NAA11: variants seen among roughly 807,000 people sequenced by gnomAD.
NAA11 encodes the protein N-alpha-acetyltransferase 11, NatA catalytic subunit.
Under a neutral mutation model 16.1 loss-of-function variants are expected in NAA11, and 15 were observed. The observed-to-expected ratio is 0.93, with a 90% CI of 0.62 to 1.44. NAA11 has a LOEUF of 1.44. Ranked by LOEUF, NAA11 falls within the 40% of genes most tolerant of loss-of-function variation. The probability of loss-of-function intolerance (pLI) is 0.00; values close to 1 mark genes in which losing one functional copy is unlikely to be tolerated. For missense variants in NAA11, 298 were observed against 291.3 expected (o/e 1.02, Z -0.17); for synonymous variants, 122 against 112.4 (o/e 1.09, Z -0.54).
intron 1 of NAA11, among the ~76,000 whole-genome samples, chr4:79,319,954 TA>T (rs1418055180): frequency 1.3e-5 from 2 of 152,238 alleles, no homozygotes; most frequent in Non-Finnish European, 2.9e-5. Context: ...AATGACAGTT[TA>T]GCGACACAAA....
At chr4:79,220,371 AC>A in the NAA11 span, among the ~76,000 whole-genome samples, 3 of 151,946 alleles carry the variant, frequency 2.0e-5, no homozygotes, top group Non-Finnish European at 4.4e-5. Flanking sequence ...GGGATTACAG[AC>A]ATGAGCCACT....
the NAA11 span, among the ~76,000 whole-genome samples, chr4:79,189,155 A>AAAAAAAAAAAAAAAAAAAC: frequency 6.9e-4 from 101 of 146,920 alleles, 9 homozygotes; most frequent in Non-Finnish European, 1.1e-3. Flanking sequence ...CAAAAAAAAA[A>AAAAAAAAAAAAAAAAAAAC]AAAAAAAAAC....
intron 1 of NAA11, among the ~76,000 whole-genome samples, chr4:79,322,024 C>T (rs556071814): frequency 3.3e-5 from 5 of 152,268 alleles, no homozygotes; most frequent in African/African-American, 1.2e-4. Context: ...ACATCACCAC[C>T]ACACTGATGA....
chr4:79,246,376 C>CAAAAAAAAAAAAAAA (rs1560420199), intron 2 of NAA11, among the ~76,000 whole-genome samples: 3 of 114,190 alleles, frequency 2.6e-5, no homozygotes, highest in Non-Finnish European at 5.3e-5. Context: ...TCAATAAATA[C>CAAAAAAAAAAAAAAA]TAAAAAAAAA....
At chr4:79,226,504 G>A (rs1221609723) in intron 2 of NAA11, among the ~76,000 whole-genome samples, 8 of 151,692 alleles carry the variant, frequency 5.3e-5, no homozygotes, top group Admixed American at 3.3e-4. Flanking sequence ...ATGCATACAC[G>A]TGCCATGTTG....
chr4:79,282,588 T>C (rs1392968954), intron 2 of NAA11, among the ~76,000 whole-genome samples: 1 of 152,052 alleles, frequency 6.6e-6, no homozygotes, highest in East Asian at 1.9e-4. Context: ...AAAAATTTCC[T>C]AGAGCAAACA....
intron 2 of NAA11, among the ~76,000 whole-genome samples, chr4:79,253,272 A>G (rs1341486407): frequency 6.6e-6 from 1 of 152,226 alleles, no homozygotes; most frequent in African/African-American, 2.4e-5. Flanking sequence ...CCTCTTAGAT[A>G]TTCAAATAGA....
intron 2 of NAA11, among the ~76,000 whole-genome samples, chr4:79,242,688 T>A (rs1469598781): frequency 1.3e-5 from 2 of 152,178 alleles, no homozygotes; most frequent in African/African-American, 4.8e-5. Context: ...ATCTATGAGA[T>A]TTGGAAAAAA....
chr4:79,302,338 C>T lies in NAA11; in HGVS notation c.*13-8224G>A, dbSNP rs1723415393. On this transcript the variant is annotated intron_variant and NMD_transcript_variant, in intron 1 of 2. Coordinates refer to the NAA11 transcript ENST00000511542. The stretch of plus-strand genomic sequence containing the variant: ...GAGAGGTATTATTAATTCATCTATA[C>T]AATAAGTATTCAAGGAAAATGTCAC... Among the ~76,000 whole-genome samples, 3 of 152,204 alleles carry T rather than the reference C, an allele frequency of 2.0e-5. No homozygotes were observed. In the South Asian group the frequency reaches 6.2e-4, roughly 32 times the overall value.
chr4:79,292,350 C>T (rs1313100926), intron 2 of NAA11, among the ~76,000 whole-genome samples: 1 of 152,188 alleles, frequency 6.6e-6, no homozygotes, highest in Non-Finnish European at 1.5e-5. Context: ...ATGGGTTAAA[C>T]TCAGTTGTCA....
chr4:79,248,501 A>T (rs1578161772), intron 2 of NAA11, among the ~76,000 whole-genome samples: 1 of 152,098 alleles, frequency 6.6e-6, no homozygotes, highest in South Asian at 2.1e-4. Flanking sequence ...TGCACATAAG[A>T]CCAGCAGCCC....
chr4:79,264,820 A>C (rs533844264), intron 2 of NAA11, among the ~76,000 whole-genome samples: 2 of 152,262 alleles, frequency 1.3e-5, no homozygotes, highest in South Asian at 4.1e-4. Context: ...CACTCATTTC[A>C]TAGGTTATCT....
chr4:79,175,575 C>T, the NAA11 span, among the ~76,000 whole-genome samples: 2 of 151,936 alleles, frequency 1.3e-5, no homozygotes, highest in African/African-American at 4.8e-5. Context: ...CTTGGTATAA[C>T]AGGCTGTTCC....
In NAA11 at chr4:79,325,942, A is replaced by AG; in HGVS notation, c.-66dup. ...CCAGAAGAGGCTGTCGCCGACCTTA[A>AG]GGGGCACTGTTTGCCTCAGGAATCG... On this transcript the variant is annotated 5_prime_UTR_variant, in exon 1 of 2. Coordinates refer to ENST00000286794, the MANE Select transcript of NAA11 (RefSeq NM_032693.3). The AG allele has an allele frequency of 7.0e-7, 1 of 1,438,240 alleles. No homozygotes were observed. The highest frequency in any genetic ancestry group is 1.3e-5 in the South Asian group (1 of 74,552). 89.1% of individuals were successfully genotyped at this position (1,438,240 alleles called of 1,614,324 possible). A position where few individuals can be genotyped will look rare whatever the true frequency, so the allele number is the denominator to read the frequency against.
intron 2 of NAA11, among the ~76,000 whole-genome samples, chr4:79,252,401 A>C (rs1460174574): frequency 6.6e-6 from 1 of 152,196 alleles, no homozygotes. Context: ...GTCTTCTAAA[A>C]ACTGGGGAAA....
chr4:79,318,806 A>T (rs1449998260), intron 1 of NAA11, among the ~76,000 whole-genome samples: 1 of 152,256 alleles, frequency 6.6e-6, no homozygotes, highest in Non-Finnish European at 1.5e-5. Flanking sequence ...CTGCTTGAAA[A>T]TTTTAAGAAA....
At chr4:79,264,108 C>T (rs1017040723) in intron 2 of NAA11, among the ~76,000 whole-genome samples, 5 of 152,114 alleles carry the variant, frequency 3.3e-5, no homozygotes, top group Admixed American at 6.6e-5. Flanking sequence ...TCAACACTTC[C>T]GCTCGTGCAC....
intron 2 of NAA11, among the ~76,000 whole-genome samples, chr4:79,257,271 A>T (rs1722137026): frequency 6.6e-6 from 1 of 152,030 alleles, no homozygotes; most frequent in African/African-American, 2.4e-5. Flanking sequence ...GCTCACCACC[A>T]GTCTTTTTGT....
the NAA11 span, among the ~76,000 whole-genome samples, chr4:79,179,693 C>G: frequency 6.6e-6 from 1 of 152,108 alleles, no homozygotes; most frequent in African/African-American, 2.4e-5. Context: ...TGGTTCTGTA[C>G]TAGGCAGAAA....
Sources: allele counts gnomAD v4.1 joint callset (sites outside exome capture counted in the v4.1 genomes callset), GRCh38; gene constraint gnomAD v4.1.1; transcripts MANE v1.5; gene names NCBI Gene and HGNC (gene_info 2026-07-23, HGNC 2026-07-21).